TNIK: variants seen among roughly 807,000 people sequenced by gnomAD.
TNIK encodes TRAF2 and NCK interacting kinase.
Under a neutral mutation model 191.3 loss-of-function variants are expected in TNIK, and 49 were observed. The ratio of observed to expected loss-of-function variants is 0.26; its 90% CI spans 0.20 to 0.32. The LOEUF is 0.32. Ranked by LOEUF, TNIK falls within the 10% of genes least tolerant of loss-of-function variation. TNIK has a pLI of 1.00. For synonymous variants in TNIK, 594 were observed against 600.9 expected (o/e 0.99, Z 0.17); for missense variants, 1,155 against 1,702.3 (o/e 0.68, Z 5.66).
At chr3:171,300,876 C>T (rs569408800) in intron 2 of TNIK, among the ~76,000 whole-genome samples, 3 of 152,242 alleles carry the variant, frequency 2.0e-5, no homozygotes, top group African/African-American at 7.2e-5. Context: ...CCACTCTTTC[C>T]TGGTTCCTGC....
intron 2 of TNIK, among the ~76,000 whole-genome samples, chr3:171,264,095 CACACACACACACACACAT>C (rs376210763): frequency 0.029 from 2,641 of 89,838 alleles, 69 homozygotes; most frequent in African/African-American, 0.092. Context: ...CACACACACA[CACACACACACACACACAT>C]ATATATATAT....
chr3:171,411,485 G>A (rs1722414115), intron 1 of TNIK, among the ~76,000 whole-genome samples: 1 of 151,794 alleles, frequency 6.6e-6, no homozygotes, highest in Non-Finnish European at 1.5e-5. Context: ...ATTTTATAAT[G>A]TCATCTGGGT....
intron 20 of TNIK, 78 bp downstream of exon 20, chr3:171,107,987 G>T: frequency 7.0e-7 from 1 of 1,433,924 alleles, no homozygotes; most frequent in Non-Finnish European, 9.5e-7. Context: ...TGCATCATGA[G>T]TGTATCCCCA....
intron 29 of TNIK, among the ~76,000 whole-genome samples, chr3:171,070,523 A>G (rs1719052591): frequency 6.6e-6 from 1 of 151,870 alleles, no homozygotes. Context: ...TGGGCTATGG[A>G]TAGGTTATGC....
At position 171,101,454 on chromosome 3, in the gene TNIK, T is replaced by C. The variant is rs1403061542; in HGVS notation, c.2586A>G (p.Arg862=). Residue 862 remains arginine (R), a synonymous_variant, in exon 22 of 33, where the codon AGA becomes AGG. Coordinates refer to ENST00000436636, the MANE Select transcript of TNIK (RefSeq NM_015028.4). ...TTTAAAAGTAGTTCTCTTACATCAG[T>C]CTGGGTATGTCGCTGACAGCCACTG... ...DGTVAVSDIP[R]LIPTGAPGSN... is the part of the protein sequence containing the mutation. 1 of 1,608,684 alleles carries C rather than the reference T, an allele frequency of 6.2e-7. No homozygotes were observed. Among genetic ancestry groups the C allele is most frequent in the Admixed American group, 1.7e-5 (1 of 58,444 alleles).
intron 18 of TNIK, among the ~76,000 whole-genome samples, chr3:171,111,583 A>G (rs1725869013): frequency 6.6e-6 from 1 of 152,228 alleles, no homozygotes; most frequent in Admixed American, 6.5e-5. Context: ...TAGTACAGCC[A>G]GTACGGAAAA....
At chr3:171,217,908 C>T (rs186328973) in intron 3 of TNIK, among the ~76,000 whole-genome samples, 1 of 152,018 alleles carries the variant, frequency 6.6e-6, no homozygotes, top group Non-Finnish European at 1.5e-5. Context: ...AAAGTGTTTG[C>T]CAAGGTCGTG....
At chr3:171,373,151 C>T (rs532867126) in intron 1 of TNIK, among the ~76,000 whole-genome samples, 3 of 152,236 alleles carry the variant, frequency 2.0e-5, no homozygotes, top group Non-Finnish European at 2.9e-5. Context: ...CTGTTTTCTC[C>T]ATTCTAGAGT....
intron 15 of TNIK, 146 bp from the exon 16 acceptor site, chr3:171,129,024 A>C: frequency 1.5e-6 from 2 of 1,302,980 alleles, no homozygotes; most frequent in African/African-American, 1.5e-5. Flanking sequence ...TCTGTGCTGC[A>C]TCAAGAGTTT....
At chr3:171,174,529 A>G (rs1264685054) in intron 9 of TNIK, among the ~76,000 whole-genome samples, 1 of 152,342 alleles carries the variant, frequency 6.6e-6, no homozygotes, top group East Asian at 1.9e-4. Context: ...TCCCAACTAT[A>G]TAATTATCCC....
intron 2 of TNIK, among the ~76,000 whole-genome samples, chr3:171,248,863 G>T (rs963819428): frequency 8.6e-6 from 1 of 115,856 alleles, no homozygotes; most frequent in East Asian, 2.1e-4. Flanking sequence ...CCAAGTCTTT[G>T]CTGCCAAGTC....
intron 29 of TNIK, among the ~76,000 whole-genome samples, chr3:171,070,212 G>C (rs750955146): frequency 1.3e-5 from 2 of 152,154 alleles, no homozygotes; most frequent in African/African-American, 2.4e-5. Context: ...ATGGAGGGGA[G>C]CCCATTTCCA....
intron 4 of TNIK, among the ~76,000 whole-genome samples, chr3:171,209,552 CTT>C (rs772610259): frequency 4.6e-5 from 7 of 152,038 alleles, no homozygotes; most frequent in Non-Finnish European, 1.0e-4. Context: ...ATATATCTCT[CTT>C]TAGGATTATC....
At chr3:171,284,419 C>T (rs1051361349) in intron 2 of TNIK, among the ~76,000 whole-genome samples, 3 of 152,092 alleles carry the variant, frequency 2.0e-5, no homozygotes, top group Non-Finnish European at 4.4e-5. Flanking sequence ...ACCAACTTCA[C>T]ACCCGCTTTC....
At chr3:171,123,905 C>T (rs967387084) in intron 17 of TNIK, among the ~76,000 whole-genome samples, 2 of 152,060 alleles carry the variant, frequency 1.3e-5, no homozygotes, top group Non-Finnish European at 2.9e-5. Context: ...AAACAATGAG[C>T]AAATTTGGGA....
intron 30 of TNIK, 63 bp from the exon 31 acceptor site, chr3:171,066,798 C>T: frequency 2.0e-6 from 3 of 1,521,858 alleles, no homozygotes; most frequent in Non-Finnish European, 2.7e-6. Context: ...GACTATTCAT[C>T]TCTAACAACT....
At chr3:171,356,340 C>T (rs1452920328) in intron 2 of TNIK, among the ~76,000 whole-genome samples, 1 of 152,024 alleles carries the variant, frequency 6.6e-6, no homozygotes, top group African/African-American at 2.4e-5. Flanking sequence ...CAAGGTATGC[C>T]GCTTCCTTTT....
At chr3:171,167,312 C>G (rs1734735932) in intron 9 of TNIK, 42 bp from the exon 10 acceptor site, 2 of 1,583,554 alleles carry the variant, frequency 1.3e-6, no homozygotes, top group Non-Finnish European at 8.6e-7. Flanking sequence ...AAACGGCGAT[C>G]CAAAGAAAAG....
chr3:171,422,848 T>A (rs1447555079), intron 1 of TNIK, among the ~76,000 whole-genome samples: 1 of 152,228 alleles, frequency 6.6e-6, no homozygotes, highest in Non-Finnish European at 1.5e-5. Context: ...ACAATGGATA[T>A]CTTCAGAACC....
Sources: gnomAD v4.1 joint callset for allele counts (sites outside exome capture counted in the v4.1 genomes callset) on GRCh38, gnomAD v4.1.1 for gene constraint, MANE v1.5 for transcripts, NCBI Gene and HGNC (gene_info 2026-07-23, HGNC 2026-07-21) for gene names.